Variants in TARS3 observed in about 807,000 individuals in gnomAD.
TARS3 encodes threonine--tRNA ligase 2, cytoplasmic.
TARS3 carries 94 observed loss-of-function variants against 103.5 expected under a neutral mutation model. That is an observed-to-expected ratio of 0.91 (90% CI 0.77 to 1.08). The LOEUF is 1.08. TARS3 is among the 50% of genes least tolerant of loss of function. The pLI is 0.00. For missense variants in TARS3, 952 were observed against 995.2 expected (o/e 0.96, Z 0.58); for synonymous variants, 416 against 355.4 (o/e 1.17, Z -1.92).
At chr15:101,701,321 T>G (rs1343823822) in intron 9 of TARS3, 137 bp from the exon 10 acceptor site, 1 of 499,186 alleles carries the variant, frequency 2.0e-6, no homozygotes, top group Admixed American at 4.1e-5. Flanking sequence ...TATACCTAAA[T>G]GCATGCAACA....
chr15:101,724,000 G>A (rs1365703149), intron 1 of TARS3, 91 bp downstream of exon 1: 10 of 1,212,456 alleles, frequency 8.2e-6, no homozygotes, highest in Non-Finnish European at 6.4e-6. Context: ...GGGCGCCCCC[G>A]CACCTGCCCC....
chr15:101,675,363 G>T (rs761643851), intron 13 of TARS3, among the ~76,000 whole-genome samples: 20 of 152,298 alleles, frequency 1.3e-4, no homozygotes, highest in South Asian at 6.2e-4. Context: ...GACCAGCACT[G>T]CAGGACTATA....
At chr15:101,689,322 T>C (rs1898608462) in intron 10 of TARS3, among the ~76,000 whole-genome samples, 1 of 152,272 alleles carries the variant, frequency 6.6e-6, no homozygotes, top group South Asian at 2.1e-4. Context: ...ACTAAAACCT[T>C]GGATCCTAAG....
intron 10 of TARS3, among the ~76,000 whole-genome samples, chr15:101,690,962 G>C (rs1164908243): frequency 1.3e-5 from 2 of 151,352 alleles, no homozygotes; most frequent in East Asian, 3.9e-4. Context: ...TTTTTGAAAT[G>C]GAGTCTCGCT....
At position 101,703,948 on chromosome 15, in the gene TARS3, A is replaced by G; in HGVS notation, c.996-11T>C. The G allele has an allele frequency of 6.3e-7, 1 of 1,590,054 alleles. No individual in the cohort carries two copies. Among genetic ancestry groups the G allele is most frequent in the South Asian group, 1.1e-5 (1 of 90,378 alleles). On this transcript the variant is annotated splice_polypyrimidine_tract_variant and intron_variant, in intron 7 of 18. Transcript: ENST00000335968. ...ATTAATGGACCGCACCTATAATGAA[A>G]TATTTAGGACATGCTCAGGCACAGT...
Position 101,724,358 on chromosome 15 carries a change from G to C in TARS3, c.30C>G (p.Ala10=). MAAEALAAE[A]VASRLERQEE... ...CCTGCCGCTCCAGGCGCGACGCCAC[G>C]GCCTCCGCCGCCAGGGCCTCGGCCG... Residue 10 remains alanine (A), a synonymous_variant, in exon 1 of 19, where the codon GCC becomes GCG. Transcript: ENST00000335968. 1 of 1,540,240 alleles carries C rather than the reference G, an allele frequency of 6.5e-7. No individual in the cohort carries two copies. The highest frequency in any genetic ancestry group is 8.7e-7 in the Non-Finnish European group (1 of 1,149,876).
chr15:101,663,682 CATT>C (rs1243399933), intron 15 of TARS3, among the ~76,000 whole-genome samples: 1 of 152,248 alleles, frequency 6.6e-6, no homozygotes, highest in Admixed American at 6.5e-5. Context: ...TTTTACCTTC[CATT>C]ATTATTAGTG....
At chr15:101,681,767 T>G (rs1898264782) in intron 12 of TARS3, among the ~76,000 whole-genome samples, 1 of 152,212 alleles carries the variant, frequency 6.6e-6, no homozygotes, top group South Asian at 2.1e-4. Context: ...CATCTACACC[T>G]AATTACTTCC....
chr15:101,723,197 T>A, intron 1 of TARS3, 33 bp from the exon 2 acceptor site: 1 of 1,589,914 alleles, frequency 6.3e-7, no homozygotes, highest in South Asian at 1.1e-5. Context: ...CTCACATCAA[T>A]GGCAAGAAAA....
intron 3 of TARS3, among the ~76,000 whole-genome samples, chr15:101,718,334 C>T (rs140195536): frequency 0.025 from 3,642 of 145,838 alleles, 69 homozygotes; most frequent in South Asian, 0.05. Context: ...AGAAAAGGGG[C>T]GGGGTGGAGG....
intron 8 of TARS3, among the ~76,000 whole-genome samples, chr15:101,703,188 C>T (rs1272501128): frequency 6.6e-6 from 1 of 152,208 alleles, no homozygotes; most frequent in Non-Finnish European, 1.5e-5. Context: ...TCCCCTCCTG[C>T]TGTTTTCTTT....
In TARS3 at chr15:101,714,899, G is replaced by C. The variant is rs1460362097; in HGVS notation, c.631C>G (p.Pro211Ala). 1.2e-6 allele frequency: 2 copies of C among 1,613,214 alleles called. No individual in the cohort carries two copies. The highest frequency in any genetic ancestry group is 2.7e-5 in the African/African-American group (2 of 74,844). Residue 211 changes from proline to alanine, a missense_variant, in exon 4 of 19, where the codon CCA becomes GCA. Physicochemically the swap from Pro to Ala is conservative, Grantham distance 27 (BLOSUM62 -1). Around this residue, in one of 2 missense-constraint regions of TARS3, gnomAD observed 412 missense variants for 364.2 expected, o/e 1.13. Coordinates refer to ENST00000335968, the MANE Select transcript of TARS3 (RefSeq NM_152334.3). ...VNGELWDLDR[P>A]LEGDSSLELL... ...TCTAGAGAAGAGTCCCCTTCCAATG[G>C]GCGGTCCAGGTCCCACAGTTCACCA...
intron 5 of TARS3, among the ~76,000 whole-genome samples, chr15:101,711,548 T>A (rs1238040288): frequency 2.0e-5 from 3 of 152,238 alleles, no homozygotes; most frequent in Non-Finnish European, 2.9e-5. Context: ...ACTAAATGAA[T>A]GGTAAATACA....
intron 4 of TARS3, among the ~76,000 whole-genome samples, chr15:101,712,759 T>A (rs1401459212): frequency 6.6e-6 from 1 of 152,212 alleles, no homozygotes; most frequent in Admixed American, 6.5e-5. Flanking sequence ...AGGAGTAAGA[T>A]AATCAACTCA....
chr15:101,692,165 A>G (rs1898756183), intron 10 of TARS3, among the ~76,000 whole-genome samples: 1 of 152,228 alleles, frequency 6.6e-6, no homozygotes, highest in Non-Finnish European at 1.5e-5. Context: ...AGTGGAAGAG[A>G]GAGGTCTGGA....
intron 10 of TARS3, chr15:101,699,468 T>C (rs1316860672): frequency 2.2e-6 from 1 of 456,020 alleles, no homozygotes; most frequent in Non-Finnish European, 4.4e-6. Context: ...TTAATGCCAC[T>C]GTAAAGGCTT....
intron 17 of TARS3, among the ~76,000 whole-genome samples, chr15:101,657,527 C>A (rs1362690258): frequency 6.6e-6 from 1 of 152,214 alleles, no homozygotes; most frequent in East Asian, 1.9e-4. Flanking sequence ...AGATAATATT[C>A]TTCCCTAATA....
At chr15:101,709,223 T>A (rs1486266403) in intron 5 of TARS3, among the ~76,000 whole-genome samples, 1 of 152,198 alleles carries the variant, frequency 6.6e-6, no homozygotes, top group Non-Finnish European at 1.5e-5. Context: ...ACCCTTCACA[T>A]GCTTTAGTTT....
intron 10 of TARS3, among the ~76,000 whole-genome samples, chr15:101,686,480 A>G (rs1300462433): frequency 6.6e-6 from 1 of 152,204 alleles, no homozygotes; most frequent in African/African-American, 2.4e-5. Flanking sequence ...TTTTAAACAG[A>G]AATAAGAATT....
Sources: gnomAD v4.1 joint callset for allele counts (sites outside exome capture counted in the v4.1 genomes callset) on GRCh38, gnomAD v4.1.1 for gene constraint, gnomAD v4.1.1 regional missense constraint, MANE v1.5 for transcripts, NCBI Gene and HGNC (gene_info 2026-07-23, HGNC 2026-07-21) for gene names.